ITCH: variants seen among roughly 807,000 people sequenced by gnomAD.
ITCH encodes the protein itchy E3 ubiquitin protein ligase.
A neutral mutation model predicts 126.8 loss-of-function variants in ITCH; 28 were observed. The observed-to-expected ratio is 0.22, with a 90% CI of 0.16 to 0.30. The LOEUF is 0.30. Among genes scored for constraint, ITCH ranks in the 10% least tolerant of loss-of-function variants. The probability of loss-of-function intolerance (pLI) is 1.00; values close to 1 mark genes in which losing one functional copy is unlikely to be tolerated. For synonymous variants in ITCH, 342 were observed against 340.0 expected, an observed-to-expected ratio of 1.01 and a Z score of -0.06; for missense variants, 631 against 1,032.4, an observed-to-expected ratio of 0.61 and a Z score of 5.33.
At chr20:34,471,107 C>T (rs571162403) in intron 15 of ITCH, among the ~76,000 whole-genome samples, 2 of 152,126 alleles carry the variant, frequency 1.3e-5, no homozygotes, top group South Asian at 2.1e-4. Context: ...AATATTTTTA[C>T]ACTTGAAACT....
chr20:34,467,996 A>G (rs1987247281), intron 14 of ITCH, among the ~76,000 whole-genome samples: 1 of 151,308 alleles, frequency 6.6e-6, no homozygotes, highest in African/African-American at 2.4e-5. Flanking sequence ...GACATAATAC[A>G]ATGCAAATTT....
intron 16 of ITCH, among the ~76,000 whole-genome samples, chr20:34,474,057 C>T (rs999408081): frequency 1.3e-5 from 2 of 152,054 alleles, no homozygotes; most frequent in South Asian, 2.1e-4. Flanking sequence ...TTGCTAAAGT[C>T]GCTAAACAAA....
In ITCH at chr20:34,489,326, A is replaced by G. The variant is rs143022837; in HGVS notation, c.2154A>G (p.Glu718=). Reference sequence around the variant, plus strand: ...AAGAACAGACACAAGCTTTCTTTGAAGGCTTTAATGAAATTCTTCCCCAGC... The same window carrying G: ...AAGAACAGACACAAGCTTTCTTTGAGGGCTTTAATGAAATTCTTCCCCAGC... ...GVEEQTQAFF[E]GFNEILPQQY... The change falls in exon 21 of 25, where the codon GAA becomes GAG. Residue 718 remains glutamate, a synonymous_variant. Coordinates refer to ENST00000374864, the MANE Select transcript of ITCH (RefSeq NM_031483.7). 509 of 1,613,178 alleles carry G rather than the reference A, an allele frequency of 3.2e-4. 2 individuals carry two copies. The African/African-American group carries it at 6.3e-3, about 20-fold the overall frequency.
At chr20:34,425,941 G>A (rs538543197) in intron 7 of ITCH, among the ~76,000 whole-genome samples, 27 of 152,260 alleles carry the variant, frequency 1.8e-4, no homozygotes, top group African/African-American at 6.3e-4. Flanking sequence ...TCAGTCTCTC[G>A]TCTCCACCTG....
chr20:34,419,665 C>CT (rs908910776), intron 6 of ITCH, among the ~76,000 whole-genome samples: 4 of 151,764 alleles, frequency 2.6e-5, no homozygotes, highest in African/African-American at 7.3e-5. Flanking sequence ...TTGCCTTTTT[C>CT]TTTTTTTGAG....
chr20:34,375,523 C>T (rs2037803426), intron 2 of ITCH, among the ~76,000 whole-genome samples: 1 of 151,498 alleles, frequency 6.6e-6, no homozygotes, highest in Non-Finnish European at 1.5e-5. Context: ...CTCTTGAGGC[C>T]AGGAGTTTGA....
intron 22 of ITCH, among the ~76,000 whole-genome samples, chr20:34,490,710 A>AC (rs1217105447): frequency 6.6e-6 from 1 of 152,206 alleles, no homozygotes; most frequent in Non-Finnish European, 1.5e-5. Flanking sequence ...GAGAAGAACA[A>AC]CCATTGCCAA....
In ITCH at chr20:34,456,095, G is replaced by A. The variant is rs1985877321; in HGVS notation, c.1211-1295G>A. ...TATATTCCTTATTTTGTATATATAT[G>A]TATGTATATATACACACTCTCAAAT... On this transcript the variant is annotated intron_variant, in intron 12 of 24. Coordinates refer to ENST00000374864, the MANE Select transcript of ITCH (RefSeq NM_031483.7). Among the ~76,000 whole-genome samples, 4 of 140,776 alleles carry A rather than the reference G, an allele frequency of 2.8e-5. No homozygotes were observed. The South Asian group carries it at 9.2e-4, about 32-fold the overall frequency. The allele number at this position is 140,776 out of a possible 152,430, so 92.4% of individuals were successfully genotyped here. A position where few individuals can be genotyped will look rare whatever the true frequency, so the allele number is the denominator to read the frequency against.
At chr20:34,438,990 T>C (rs1488362032) in intron 8 of ITCH, among the ~76,000 whole-genome samples, 1 of 152,186 alleles carries the variant, frequency 6.6e-6, no homozygotes, top group Non-Finnish European at 1.5e-5. Flanking sequence ...GTATATCCTT[T>C]AAAAAGTTAG....
At chr20:34,402,120 A>G (rs1336987142) in intron 3 of ITCH, 2 of 898,978 alleles carry the variant, frequency 2.2e-6, no homozygotes, top group Non-Finnish European at 3.7e-6. Context: ...AACACCAGCT[A>G]TGCAGAAAGG....
At position 34,440,309 on chromosome 20, in the gene ITCH, A is replaced by G. The variant is rs751916996; in HGVS notation, c.834A>G (p.Pro278=). The change falls in exon 9 of 25, where the codon CCA becomes CCG. Residue 278 remains proline, a synonymous_variant. Coordinates refer to ENST00000374864, the MANE Select transcript of ITCH (RefSeq NM_031483.7). ...TATCTGGAGGCTCAGGCCCTAGGCC[A>G]TTAAATCCTGTAACTCAAGCTCCCT... ...LTISGGSGPR[P]LNPVTQAPLP... 21 of 1,614,044 alleles carry G rather than the reference A, an allele frequency of 1.3e-5. No individual in the cohort carries two copies. The highest frequency in any genetic ancestry group is 7.7e-5 in the South Asian group (7 of 91,084).
chr20:34,390,546 G>A (rs559209543), intron 2 of ITCH, among the ~76,000 whole-genome samples: 10 of 147,588 alleles, frequency 6.8e-5, no homozygotes, highest in Non-Finnish European at 1.3e-4. Context: ...AGCCTTCCAG[G>A]TTCAACGATC....
chr20:34,481,908 G>A (rs1465023351), intron 20 of ITCH, among the ~76,000 whole-genome samples: 6 of 152,184 alleles, frequency 3.9e-5, no homozygotes, highest in African/African-American at 1.2e-4. Flanking sequence ...CTACTAGGGA[G>A]GCTGAGGCAG....
At chr20:34,397,874 A>G (rs2038729585) in intron 3 of ITCH, among the ~76,000 whole-genome samples, 1 of 152,156 alleles carries the variant, frequency 6.6e-6, no homozygotes, top group Non-Finnish European at 1.5e-5. Context: ...TTCAGATTAC[A>G]TAAGTAATAT....
At chr20:34,502,298 G>T (rs1019272762) in intron 23 of ITCH, among the ~76,000 whole-genome samples, 72 of 150,344 alleles carry the variant, frequency 4.8e-4, no homozygotes, top group African/African-American at 1.7e-3. Context: ...CAGGAGAATT[G>T]CTGGAGCCCA....
In ITCH at chr20:34,440,288, T is replaced by TCCAGATA; in HGVS notation, c.813_814insCCAGATA (p.Gly272ProfsTer8). On this transcript the variant is annotated frameshift_variant, in exon 9 of 25. Transcript: ENST00000374864. LOFTEE classifies it high-confidence loss of function. Reference sequence around the variant, plus strand: ...GATTAATAATTCCTCTTACTATATCTGGAGGCTCAGGCCCTAGGCCATTAA... The same window carrying TCCAGATA: ...GATTAATAATTCCTCTTACTATATCTCCAGATAGGAGGCTCAGGCCCTAGGCCATTAA... 1 of 1,614,174 alleles carries TCCAGATA rather than the reference T, an allele frequency of 6.2e-7. No homozygotes were observed. The highest frequency in any genetic ancestry group is 8.5e-7 in the Non-Finnish European group (1 of 1,180,000).
intron 15 of ITCH, among the ~76,000 whole-genome samples, chr20:34,470,815 A>G (rs576172167): frequency 1.1e-4 from 16 of 152,248 alleles, no homozygotes; most frequent in African/African-American, 3.9e-4. Context: ...GAACTCCTGG[A>G]TTCAAATGAT....
At chr20:34,449,016 T>C (rs1225445289) in intron 11 of ITCH, among the ~76,000 whole-genome samples, 1 of 152,214 alleles carries the variant, frequency 6.6e-6, no homozygotes, top group Non-Finnish European at 1.5e-5. Context: ...CTTCTGTTTT[T>C]GAGTTACACA....
chr20:34,503,870 G>GTT (rs1312659165), intron 23 of ITCH, among the ~76,000 whole-genome samples: 6 of 56,038 alleles, frequency 1.1e-4, no homozygotes, highest in South Asian at 5.5e-4. Flanking sequence ...TTTTTTTTTG[G>GTT]TTTTTTTTTT....
Sources: gnomAD v4.1 joint callset for allele counts (sites outside exome capture counted in the v4.1 genomes callset) on GRCh38, gnomAD v4.1.1 for gene constraint, MANE v1.5 for transcripts, NCBI Gene and HGNC (gene_info 2026-07-23, HGNC 2026-07-21) for gene names.